GALNT17: variants seen among roughly 807,000 people sequenced by gnomAD.
GALNT17 encodes the protein polypeptide N-acetylgalactosaminyltransferase 17, also known as UDP-GalNAc:polypeptide N-acetylgalactosaminyltransferase-like 3.
A neutral mutation model predicts 63.7 loss-of-function variants in GALNT17; 29 were observed. The observed-to-expected ratio is 0.46, with a 90% confidence interval of 0.34 to 0.62. The LOEUF (loss-of-function observed/expected upper bound fraction) is 0.62, where lower values mean the gene tolerates loss of function less well. Among genes scored for constraint, GALNT17 ranks in the 20% least tolerant of loss-of-function variants. GALNT17 has a pLI of 0.01. For missense variants in GALNT17, 603 were observed against 799.6 expected, an observed-to-expected ratio of 0.75 and a Z score of 2.97; for synonymous variants, 305 against 318.3, an observed-to-expected ratio of 0.96 and a Z score of 0.45.
intron 1 of GALNT17, among the ~76,000 whole-genome samples, chr7:71,235,890 C>T (rs1407965123): frequency 2.0e-5 from 3 of 152,176 alleles, no homozygotes; most frequent in Admixed American, 6.5e-5. Context: ...ATTTAAAAGT[C>T]TGCTCTTGGT....
At chr7:71,643,122 C>T (rs997910228) in intron 6 of GALNT17, among the ~76,000 whole-genome samples, 1 of 152,056 alleles carries the variant, frequency 6.6e-6, no homozygotes, top group African/African-American at 2.4e-5. Flanking sequence ...TGGAGAAACC[C>T]CAAGCCAATG....
At chr7:71,519,007 G>A (rs1788485371) in intron 5 of GALNT17, among the ~76,000 whole-genome samples, 1 of 152,132 alleles carries the variant, frequency 6.6e-6, no homozygotes, top group African/African-American at 2.4e-5. Context: ...CAGTGTCATG[G>A]TTGAGGATTA....
At chr7:71,167,045 C>CTTTTT (rs35735311) in intron 1 of GALNT17, among the ~76,000 whole-genome samples, 4 of 115,474 alleles carry the variant, frequency 3.5e-5, no homozygotes, top group African/African-American at 1.0e-4. Flanking sequence ...TGGCTAAGTA[C>CTTTTT]TTTTTTTTTT....
At chr7:71,592,944 C>G (rs558165055) in intron 6 of GALNT17, among the ~76,000 whole-genome samples, 2 of 151,942 alleles carry the variant, frequency 1.3e-5, no homozygotes, top group African/African-American at 2.4e-5. Flanking sequence ...CCCAGGAGTT[C>G]GAGACCAGCC....
At chr7:71,195,476 G>A (rs1188672884) in intron 1 of GALNT17, among the ~76,000 whole-genome samples, 2 of 151,808 alleles carry the variant, frequency 1.3e-5, no homozygotes, top group Admixed American at 6.6e-5. Flanking sequence ...CAGCCTCCTG[G>A]GCTCAGGAGA....
chr7:71,415,239 T>C (rs1237871179), intron 3 of GALNT17, among the ~76,000 whole-genome samples: 1 of 152,234 alleles, frequency 6.6e-6, no homozygotes, highest in African/African-American at 2.4e-5. Flanking sequence ...TTAGCCCATA[T>C]GTGACCTTGG....
chr7:71,470,715 A>C (rs1360908147), intron 5 of GALNT17, among the ~76,000 whole-genome samples: 1 of 152,180 alleles, frequency 6.6e-6, no homozygotes, highest in Non-Finnish European at 1.5e-5. Flanking sequence ...ACTAGGAATC[A>C]AAGTCAGCTG....
chr7:71,296,159 A>G (rs1455279995), intron 1 of GALNT17, among the ~76,000 whole-genome samples: 1 of 152,074 alleles, frequency 6.6e-6, no homozygotes, highest in East Asian at 1.9e-4. Flanking sequence ...TATCATCACC[A>G]TTAGTAATTA....
intron 5 of GALNT17, among the ~76,000 whole-genome samples, chr7:71,549,643 T>G (rs1239550076): frequency 6.6e-6 from 1 of 152,190 alleles, no homozygotes; most frequent in Admixed American, 6.5e-5. Context: ...GTAAGTTTCA[T>G]TATACCGAAA....
At chr7:71,245,873 A>G (rs1425924917) in intron 1 of GALNT17, among the ~76,000 whole-genome samples, 1 of 126,734 alleles carries the variant, frequency 7.9e-6, no homozygotes. Context: ...TTGCAAAGGT[A>G]TCTTTGCACT....
At chr7:71,584,754 CTTTA>C (rs113877661) in intron 6 of GALNT17, among the ~76,000 whole-genome samples, 6 of 151,998 alleles carry the variant, frequency 3.9e-5, no homozygotes, top group South Asian at 2.1e-4. Context: ...TTCTTCTCAC[CTTTA>C]TTTATTTATT....
At chr7:71,250,733 A>G (rs889379120) in intron 1 of GALNT17, among the ~76,000 whole-genome samples, 2 of 152,188 alleles carry the variant, frequency 1.3e-5, no homozygotes, top group African/African-American at 4.8e-5. Context: ...TTGACTCACA[A>G]AAGTGGTATT....
chr7:71,580,441 A>ATAGT (rs1403784831), intron 6 of GALNT17, among the ~76,000 whole-genome samples: 2 of 151,126 alleles, frequency 1.3e-5, no homozygotes, highest in Admixed American at 1.3e-4. Context: ...AGATAGATAG[A>ATAGT]TAGATGAGAC....
chr7:71,466,210 A>G (rs559569660), intron 5 of GALNT17, among the ~76,000 whole-genome samples: 2 of 152,190 alleles, frequency 1.3e-5, no homozygotes, highest in Non-Finnish European at 2.9e-5. Context: ...TGCTGACTAA[A>G]TGGACCACCC....
intron 1 of GALNT17, among the ~76,000 whole-genome samples, chr7:71,204,251 T>C (rs544978595): frequency 6.6e-6 from 1 of 152,284 alleles, no homozygotes; most frequent in East Asian, 1.9e-4. Flanking sequence ...TCTGTTCCAC[T>C]GGTTGATGTC....
chr7:71,647,553 G>A (rs1311298670), intron 6 of GALNT17, among the ~76,000 whole-genome samples: 1 of 152,148 alleles, frequency 6.6e-6, no homozygotes, highest in Non-Finnish European at 1.5e-5. Context: ...GAGCAGGCAG[G>A]CTTTCAGGCA....
intron 5 of GALNT17, among the ~76,000 whole-genome samples, chr7:71,563,022 C>T (rs1468571639): frequency 6.6e-6 from 1 of 152,202 alleles, no homozygotes; most frequent in Non-Finnish European, 1.5e-5. Flanking sequence ...CTGCCACCCT[C>T]TTCTCACTGT....
At chr7:71,287,703 T>A (rs1790899921) in intron 1 of GALNT17, among the ~76,000 whole-genome samples, 2 of 152,200 alleles carry the variant, frequency 1.3e-5, no homozygotes, top group Admixed American at 6.5e-5. Context: ...ATATGTATTA[T>A]ATGCTGTGTT....
chr7:71,450,139 A>AT (rs55881759), intron 5 of GALNT17, among the ~76,000 whole-genome samples: 13,183 of 130,024 alleles, frequency 0.1, 1,520 homozygotes, highest in African/African-American at 0.3. Flanking sequence ...GTATTTAAAG[A>AT]TTTTTTTTTT....
Sources: allele counts gnomAD v4.1 joint callset (sites outside exome capture counted in the v4.1 genomes callset), GRCh38; gene constraint gnomAD v4.1.1; transcripts MANE v1.5; gene names NCBI Gene and HGNC (gene_info 2026-07-23, HGNC 2026-07-21).